The following VPS35L variants were observed in gnomAD, a reference collection of about 807,000 sequenced individuals.
VPS35L encodes VPS35 endosomal protein sorting factor like.
Under a neutral mutation model 133.0 loss-of-function variants are expected in VPS35L, and 83 were observed. The observed-to-expected ratio is 0.62, with a 90% CI of 0.52 to 0.75. VPS35L has a LOEUF of 0.75. VPS35L is among the 30% of genes least tolerant of loss of function. The probability of loss-of-function intolerance (pLI) is 0.00; values close to 1 mark genes in which losing one functional copy is unlikely to be tolerated. For synonymous variants in VPS35L, 423 were observed against 449.9 expected (o/e 0.94, Z 0.76); for missense variants, 1,083 against 1,206.8 (o/e 0.90, Z 1.52).
Position 19,633,284 on chromosome 16 carries a change from C to T in VPS35L, c.1635+112C>T. 1 of 971,616 alleles carries T rather than the reference C, an allele frequency of 1.0e-6. No individual in the cohort carries two copies. The highest frequency in any genetic ancestry group is 1.6e-6 in the Non-Finnish European group (1 of 615,854). 60.2% of individuals were successfully genotyped at this position (971,616 alleles called of 1,614,324 possible). On this transcript the variant is annotated intron_variant, in intron 19 of 30. Coordinates refer to ENST00000417362, the MANE Select transcript of VPS35L (RefSeq NM_020314.7). The surrounding 1 kb of genome is among the most constrained non-coding windows in gnomAD (Gnocchi z 4.1). ...AAGGCACATAATCCTGTGTTTGAAT[C>T]ATAGCTCTGCCATATCCTAGCCATG...
At chr16:19,684,689 C>T (rs919977785) in intron 28 of VPS35L, among the ~76,000 whole-genome samples, 10 of 152,106 alleles carry the variant, frequency 6.6e-5, no homozygotes, top group Admixed American at 2.0e-4. Flanking sequence ...CCAGGGCTTC[C>T]GGTAGTTAGT....
intron 16 of VPS35L, 138 bp downstream of exon 16, chr16:19,627,943 G>A: frequency 4.3e-6 from 3 of 690,118 alleles, no homozygotes; most frequent in Non-Finnish European, 7.6e-6. Context: ...GGAACGCAAT[G>A]GAAGATGAGT....
At chr16:19,634,934 C>T (rs1241934927) in intron 19 of VPS35L, among the ~76,000 whole-genome samples, 1 of 152,190 alleles carries the variant, frequency 6.6e-6, no homozygotes, top group East Asian at 1.9e-4. Context: ...CATGTGCCTG[C>T]AGATGTAGTA....
At chr16:19,628,198 C>A (rs1177975646) in intron 16 of VPS35L, among the ~76,000 whole-genome samples, 1 of 152,094 alleles carries the variant, frequency 6.6e-6, no homozygotes, top group African/African-American at 2.4e-5. Flanking sequence ...GACCCCATCT[C>A]TACAAAAAAT....
Position 19,699,744 on chromosome 16 carries a change from C to G in VPS35L, c.2793+96C>G, listed in dbSNP as rs1206672742. ...TGGCCTGGACATCAGACAGACAACCCCATACTCCCCTTTTAGAAAAGCACT... is the reference window on the plus strand; with the variant it reads ...TGGCCTGGACATCAGACAGACAACCGCATACTCCCCTTTTAGAAAAGCACT... On this transcript the variant is annotated intron_variant, in intron 30 of 30. Transcript: ENST00000417362. This position sits in a 1 kb window ranked among gnomAD's most constrained non-coding sequence, Gnocchi z 4.2. 5 of 1,482,998 alleles carry G rather than the reference C, an allele frequency of 3.4e-6. No individual in the cohort carries two copies. Among genetic ancestry groups the G allele is most frequent in the Non-Finnish European group, 4.6e-6 (5 of 1,085,038 alleles). 91.9% of individuals were successfully genotyped at this position (1,482,998 alleles called of 1,614,324 possible). A position where few individuals can be genotyped will look rare whatever the true frequency, so the allele number is the denominator to read the frequency against.
At chr16:19,666,915 T>TCTTC (rs1162813564) in intron 26 of VPS35L, among the ~76,000 whole-genome samples, 3 of 83,054 alleles carry the variant, frequency 3.6e-5, no homozygotes, top group East Asian at 6.1e-4. Flanking sequence ...TTTCTTTCTT[T>TCTTC]CTTTCTTTCT....
chr16:19,623,477 A>C (rs1234793614), intron 14 of VPS35L, among the ~76,000 whole-genome samples: 1 of 152,156 alleles, frequency 6.6e-6, no homozygotes, highest in Non-Finnish European at 1.5e-5. Flanking sequence ...ATTAGGGGTT[A>C]GGGCTCCAAC....
chr16:19,669,384 A>G, intron 27 of VPS35L, 85 bp downstream of exon 27: 1 of 1,421,900 alleles, frequency 7.0e-7, no homozygotes, highest in East Asian at 2.3e-5. Flanking sequence ...CTAAAACTGC[A>G]GGAACATTCT....
chr16:19,663,440 A>G (rs1597407866), intron 26 of VPS35L, among the ~76,000 whole-genome samples: 3 of 152,242 alleles, frequency 2.0e-5, no homozygotes, highest in East Asian at 3.9e-4. Flanking sequence ...ATGCATCTAC[A>G]TAAGTTTATA....
intron 26 of VPS35L, among the ~76,000 whole-genome samples, chr16:19,656,393 AT>A (rs1386982227): frequency 6.6e-6 from 1 of 151,798 alleles, no homozygotes; most frequent in Non-Finnish European, 1.5e-5. Flanking sequence ...AAGGATTAGC[AT>A]TCCTGGTTGA....
Position 19,681,484 on chromosome 16 carries a change from A to G in VPS35L, c.2362-741A>G, listed in dbSNP as rs112404345. On this transcript the variant is annotated intron_variant, in intron 27 of 30. Transcript: ENST00000417362. ...CCGCATGGGGTGGGCTAGCAAGGCC[A>G]TGGAAGGGGCTGGCCGTGCAGAGCT... Among the ~76,000 whole-genome samples the G allele has an allele frequency of 2.9e-3, 436 of 152,306 alleles. 2 individuals carry two copies. Among genetic ancestry groups the G allele is most frequent in the African/African-American group, 9.9e-3 (412 of 41,568 alleles).
At chr16:19,587,661 C>T (rs938896841) in intron 7 of VPS35L, among the ~76,000 whole-genome samples, 1 of 151,882 alleles carries the variant, frequency 6.6e-6, no homozygotes, top group African/African-American at 2.4e-5. Context: ...ATTAATTGAC[C>T]ACTGGTGGCA....
At chr16:19,644,731 A>G (rs771766247) in intron 22 of VPS35L, among the ~76,000 whole-genome samples, 155 bp from the exon 23 acceptor site, 5 of 152,224 alleles carry the variant, frequency 3.3e-5, no homozygotes, top group Non-Finnish European at 7.3e-5. Context: ...ATGTATTTTT[A>G]TCAAAGGAAA....
intron 4 of VPS35L, among the ~76,000 whole-genome samples, chr16:19,573,892 C>G (rs1971457149): frequency 6.6e-6 from 1 of 152,236 alleles, no homozygotes; most frequent in South Asian, 2.1e-4. Context: ...AGGTGTCACT[C>G]AGTAAGTCCC....
At chr16:19,618,987 C>T (rs916441400) in intron 14 of VPS35L, among the ~76,000 whole-genome samples, 4 of 150,674 alleles carry the variant, frequency 2.7e-5, no homozygotes, top group African/African-American at 9.8e-5. Context: ...CTGGAGTGCA[C>T]TGGTGCAATC....
intron 14 of VPS35L, among the ~76,000 whole-genome samples, chr16:19,623,103 C>G (rs1207013495): frequency 6.6e-6 from 1 of 152,196 alleles, no homozygotes; most frequent in Non-Finnish European, 1.5e-5. Context: ...CCCCCGAAGA[C>G]TTCCCATCCT....
At chr16:19,664,595 A>C (rs932364463) in intron 26 of VPS35L, among the ~76,000 whole-genome samples, 1 of 151,744 alleles carries the variant, frequency 6.6e-6, no homozygotes, top group African/African-American at 2.4e-5. Context: ...AAAAAGGTAT[A>C]TGGAAAAGAA....
intron 6 of VPS35L, 147 bp downstream of exon 6, chr16:19,579,275 A>C (rs914736684): frequency 2.8e-6 from 2 of 711,346 alleles, no homozygotes; most frequent in Admixed American, 5.5e-5. Flanking sequence ...CCATCCAGGG[A>C]AGGGTGCCAG....
chr16:19,627,590 C>A, intron 15 of VPS35L, 104 bp from the exon 16 acceptor site: 1 of 895,676 alleles, frequency 1.1e-6, no homozygotes, highest in Non-Finnish European at 1.8e-6. Context: ...CCAACCCTAC[C>A]GCTAAAGAGC....
Sources: gnomAD v4.1 joint callset for allele counts (sites outside exome capture counted in the v4.1 genomes callset) on GRCh38, gnomAD v4.1.1 for gene constraint, Gnocchi (gnomAD v3.1) non-coding constraint, MANE v1.5 for transcripts, NCBI Gene and HGNC (gene_info 2026-07-23, HGNC 2026-07-21) for gene names.